Variants in TTC21B observed in about 807,000 individuals in gnomAD.
The protein encoded by TTC21B is tetratricopeptide repeat domain 21B, also known as tetratricopeptide repeat protein 21B.
In TTC21B, 127 loss-of-function variants were observed where a neutral mutation model predicts 175.1. The ratio of observed to expected loss-of-function variants is 0.73; its 90% CI spans 0.63 to 0.84. The LOEUF (loss-of-function observed/expected upper bound fraction) is 0.84. Ranked by LOEUF, TTC21B falls within the 40% of genes least tolerant of loss-of-function variation. The pLI is 0.00. For synonymous variants in TTC21B, 524 were observed against 524.5 expected, an observed-to-expected ratio of 1.00 and a Z score of 0.01; for missense variants, 1,561 against 1,558.3, an observed-to-expected ratio of 1.00 and a Z score of -0.03.
At chr2:165,901,693 G>A (rs200391562) in intron 20 of TTC21B, 29 bp downstream of exon 20, 12 of 1,585,812 alleles carry the variant, frequency 7.6e-6, no homozygotes, top group African/African-American at 1.3e-5. Context: ...TGGAATAAAA[G>A]GTATTTAAAA....
chr2:165,915,393 C>T lies in TTC21B; in HGVS notation c.1946G>A (p.Gly649Glu), dbSNP rs759632270. Residue 649 changes from glycine to glutamate, a missense_variant, in exon 15 of 29, where the codon GGA becomes GAA. By Grantham distance (98) the Gly-to-Glu change is moderately conservative. Coordinates refer to ENST00000243344, the MANE Select transcript of TTC21B (RefSeq NM_024753.5). ...VLQDAIHEFS[G>E]TSEEVRVTIA... ...GGTAACCCGCACTTCTTCAGATGTTCCAGAAAATTCATGGATGGCATCTTG... is the reference window on the plus strand; with the variant it reads ...GGTAACCCGCACTTCTTCAGATGTTTCAGAAAATTCATGGATGGCATCTTG... 6.2e-7 allele frequency: 1 copy of T among 1,613,986 alleles called. No individual in the cohort carries two copies. Among genetic ancestry groups the T allele is most frequent in the South Asian group, 1.1e-5 (1 of 91,064 alleles).
intron 12 of TTC21B, among the ~76,000 whole-genome samples, chr2:165,921,948 CAT>C (rs1280317318): frequency 6.6e-6 from 1 of 151,878 alleles, no homozygotes; most frequent in Non-Finnish European, 1.5e-5. Context: ...ACCCAATGTA[CAT>C]AGTCTTTTAT....
At chr2:165,942,336 T>C (rs1051210891) in intron 5 of TTC21B, among the ~76,000 whole-genome samples, 1 of 152,208 alleles carries the variant, frequency 6.6e-6, no homozygotes, top group Non-Finnish European at 1.5e-5. Flanking sequence ...TTAGATAGCA[T>C]CAATGGGGAT....
intron 6 of TTC21B, chr2:165,934,676 T>C (rs1687060652): frequency 6.6e-6 from 1 of 150,524 alleles, no homozygotes; most frequent in African/African-American, 2.4e-5. Flanking sequence ...TATGAAAAAT[T>C]GCTCAATCTC....
At chr2:165,892,862 T>C (rs910490840) in intron 22 of TTC21B, among the ~76,000 whole-genome samples, 2 of 152,214 alleles carry the variant, frequency 1.3e-5, no homozygotes, top group African/African-American at 4.8e-5. Context: ...GTTAAGATGA[T>C]GAATTTTGTG....
chr2:165,920,402 T>A (rs574284604), intron 12 of TTC21B, among the ~76,000 whole-genome samples: 9 of 152,182 alleles, frequency 5.9e-5, no homozygotes, highest in African/African-American at 1.9e-4. Context: ...CTGGCTGAGA[T>A]AGCATAATGA....
At position 165,901,859 on chromosome 2, in the gene TTC21B, C is replaced by G; in HGVS notation, c.2620G>C (p.Asp874His). 6.2e-7 allele frequency: 1 copy of G among 1,613,866 alleles called. No homozygotes were observed. The part of the protein sequence containing the change: ...VLKRVQMEQP[D>H]AVPAQKHLAA... The stretch of plus-strand genomic sequence containing the variant: ...AAATGTTTCTGTGCAGGAACTGCAT[C>G]TGGCTGTTCCATCTGAACACGTTTT... Residue 874 changes from aspartate (D) to histidine (H), a missense_variant, in exon 20 of 29, where the codon GAT (aspartate) becomes CAT (histidine). Transcript: ENST00000243344.
intron 6 of TTC21B, among the ~76,000 whole-genome samples, chr2:165,936,431 A>G (rs916208938): frequency 5.3e-5 from 8 of 152,138 alleles, no homozygotes; most frequent in Non-Finnish European, 1.2e-4. Flanking sequence ...CACAAAAGGC[A>G]TAATTCATGA....
intron 27 of TTC21B, among the ~76,000 whole-genome samples, chr2:165,878,353 A>G (rs1285335958): frequency 6.6e-6 from 1 of 152,158 alleles, no homozygotes; most frequent in Non-Finnish European, 1.5e-5. Flanking sequence ...ATCAGGAGAG[A>G]CAGCGAGAGA....
chr2:165,902,425 C>T (rs1019086921), intron 19 of TTC21B, among the ~76,000 whole-genome samples: 1 of 152,146 alleles, frequency 6.6e-6, no homozygotes, highest in Non-Finnish European at 1.5e-5. Flanking sequence ...ATAGTAAATG[C>T]CTACCACATG....
chr2:165,943,414 T>C, intron 4 of TTC21B, 73 bp from the exon 5 acceptor site: 1 of 1,216,560 alleles, frequency 8.2e-7, no homozygotes, highest in South Asian at 1.3e-5. Context: ...GAGCCTAATG[T>C]CATTTTTCTG....
intron 3 of TTC21B, chr2:165,948,971 A>C (rs1687677264): frequency 5.4e-6 from 1 of 186,712 alleles, no homozygotes; most frequent in Non-Finnish European, 1.1e-5. Context: ...GCTAGCCCTC[A>C]TAAAGGGTTT....
In TTC21B at chr2:165,945,599, T is replaced by C. The variant is rs376038546; in HGVS notation, c.354A>G (p.Leu118=). 14 of 1,613,750 alleles carry C rather than the reference T, an allele frequency of 8.7e-6. No individual in the cohort carries two copies. In the African/African-American group the frequency reaches 1.2e-4, roughly 14 times the overall value. Residue 118 remains leucine, a synonymous_variant, in exon 4 of 29, where the codon TTA becomes TTG. Transcript: ENST00000243344. ...EKALYHAGLF[L]WHIGRHDKAR... ...CTTTATCATGGCGACCAATGTGCCA[T>C]AAAAATAAGCCTGCATGGTATAAGG... is the stretch of plus-strand genomic sequence containing the variant.
intron 17 of TTC21B, among the ~76,000 whole-genome samples, 199 bp from the exon 18 acceptor site, chr2:165,911,664 A>ATT (rs201566484): frequency 7.2e-6 from 1 of 139,002 alleles, no homozygotes; most frequent in Non-Finnish European, 1.5e-5. Flanking sequence ...TAATATATAT[A>ATT]TATATTTTTT....
chr2:165,927,297 T>TA (rs1686702545), intron 11 of TTC21B, among the ~76,000 whole-genome samples: 1 of 99,076 alleles, frequency 1.0e-5, no homozygotes, highest in Non-Finnish European at 1.9e-5. Flanking sequence ...CTAGTAGTTA[T>TA]ATATATATAT....
intron 22 of TTC21B, among the ~76,000 whole-genome samples, chr2:165,898,307 G>A (rs1420983430): frequency 6.6e-6 from 1 of 152,170 alleles, no homozygotes; most frequent in East Asian, 1.9e-4. Flanking sequence ...GACAAAGAAT[G>A]GAGAAGTTCT....
intron 19 of TTC21B, among the ~76,000 whole-genome samples, chr2:165,902,783 A>C (rs1192227221): frequency 6.6e-6 from 1 of 152,230 alleles, no homozygotes; most frequent in African/African-American, 2.4e-5. Context: ...AAAAAACCTG[A>C]AAACAATTGG....
At chr2:165,907,149 C>A (rs1243214866) in intron 19 of TTC21B, among the ~76,000 whole-genome samples, 3 of 150,708 alleles carry the variant, frequency 2.0e-5, no homozygotes, top group Non-Finnish European at 3.0e-5. Context: ...TTTAATATAC[C>A]ACATTTGAAA....
intron 1 of TTC21B, among the ~76,000 whole-genome samples, chr2:165,950,242 C>G (rs574004618): frequency 6.6e-6 from 1 of 152,082 alleles, no homozygotes; most frequent in Non-Finnish European, 1.5e-5. Context: ...TTGAGTTCTG[C>G]GACAAATAAA....
Sources: allele counts gnomAD v4.1 joint callset (sites outside exome capture counted in the v4.1 genomes callset), GRCh38; gene constraint gnomAD v4.1.1; transcripts MANE v1.5; gene names NCBI Gene and HGNC (gene_info 2026-07-23, HGNC 2026-07-21).